FBXW2: variants seen among roughly 807,000 people sequenced by gnomAD.
FBXW2 encodes the protein F-box/WD repeat-containing protein 2.
A neutral mutation model predicts 46.0 loss-of-function variants in FBXW2; 12 were observed. The ratio of observed to expected loss-of-function variants is 0.26; its 90% CI spans 0.17 to 0.42. FBXW2 has a LOEUF of 0.42. Among genes scored for constraint, FBXW2 ranks in the 10% least tolerant of loss-of-function variants. FBXW2 has a pLI of 1.00. For missense variants in FBXW2, 360 were observed against 537.0 expected (o/e 0.67, Z 3.26); for synonymous variants, 203 against 209.6 (o/e 0.97, Z 0.27).
chr9:120,776,326 C>T, intron 4 of FBXW2, 100 bp from the exon 5 acceptor site: 1 of 1,322,822 alleles, frequency 7.6e-7, no homozygotes, highest in Middle Eastern at 2.1e-4. Context: ...TATAATTTCC[C>T]AACCAGAGAC....
intron 2 of FBXW2, among the ~76,000 whole-genome samples, chr9:120,791,259 C>G (rs1489376318): frequency 6.6e-6 from 1 of 152,168 alleles, no homozygotes; most frequent in Non-Finnish European, 1.5e-5. Context: ...GCTTTTAAAT[C>G]TCAGCGCTTT....
intron 2 of FBXW2, among the ~76,000 whole-genome samples, chr9:120,790,346 T>C (rs991691603): frequency 2.6e-5 from 4 of 152,008 alleles, no homozygotes; most frequent in Non-Finnish European, 5.9e-5. Context: ...TCCCCTGGCA[T>C]GGTGGTGGGT....
intron 3 of FBXW2, among the ~76,000 whole-genome samples, chr9:120,782,196 T>A (rs1455615104): frequency 6.6e-6 from 1 of 152,034 alleles, no homozygotes; most frequent in Non-Finnish European, 1.5e-5. Flanking sequence ...GGGCCAGGCA[T>A]GGTGGCTCAT....
At chr9:120,766,556 C>G (rs2044279095) in intron 7 of FBXW2, among the ~76,000 whole-genome samples, 1 of 152,260 alleles carries the variant, frequency 6.6e-6, no homozygotes, top group African/African-American at 2.4e-5. Context: ...CTTCCACCTC[C>G]CGGATTCAAG....
rs2044226984 is a variant in FBXW2, at chr9:120,763,597, T to C, written c.*962A>G. ...TAATTGATGTTCTTATAGAAAACTC[T>C]GTAACAGTCATTTCATTTAAATATT... On this transcript the variant is annotated 3_prime_UTR_variant, in exon 8 of 8. Transcript: ENST00000608872. The C allele has an allele frequency of 6.6e-6, 1 of 152,258 alleles. No homozygotes were observed. Among genetic ancestry groups the C allele is most frequent in the South Asian group, 2.1e-4 (1 of 4,836 alleles). The allele number at this position is 152,258 out of a possible 1,614,324, so 9.4% of individuals were successfully genotyped here. A position where few individuals can be genotyped will look rare whatever the true frequency, so the allele number is the denominator to read the frequency against.
At chr9:120,766,896 G>T (rs2044285148) in intron 7 of FBXW2, among the ~76,000 whole-genome samples, 1 of 152,176 alleles carries the variant, frequency 6.6e-6, no homozygotes, top group Non-Finnish European at 1.5e-5. Flanking sequence ...AGTATCATAG[G>T]TGCTGAGTGC....
intron 7 of FBXW2, among the ~76,000 whole-genome samples, chr9:120,768,812 ACT>A (rs925631335): frequency 3.0e-4 from 46 of 151,908 alleles, no homozygotes; most frequent in African/African-American, 1.0e-3. Flanking sequence ...ACAGAGTGAG[ACT>A]CTGTCTCAAA....
intron 4 of FBXW2, chr9:120,776,663 TAA>T (rs1316512347): frequency 6.5e-6 from 1 of 154,324 alleles, no homozygotes; most frequent in African/African-American, 2.4e-5. Context: ...AAACCCAATG[TAA>T]AGAGAGAAAA....
At chr9:120,784,947 G>T (rs528845182) in intron 3 of FBXW2, among the ~76,000 whole-genome samples, 1 of 151,096 alleles carries the variant, frequency 6.6e-6, no homozygotes, top group South Asian at 2.1e-4. Context: ...TGCTACAGGT[G>T]GTTGTGAAAA....
rs561754733 is a variant in FBXW2 at position 120,770,268 on chromosome 9, C to T, written c.1076+1080G>A. On this transcript the variant is annotated intron_variant, in intron 7 of 7. Coordinates refer to ENST00000608872, the MANE Select transcript of FBXW2 (RefSeq NM_012164.4). The stretch of plus-strand genomic sequence containing the variant: ...GCGGGCGCCTGTAGTCCCAGCTACT[C>T]GGGAGGCTGGGACAGGAGAATGGTG... Among the ~76,000 whole-genome samples the T allele has an allele frequency of 4.6e-5, 7 of 150,738 alleles. No homozygotes were observed. The South Asian group carries it at 8.4e-4, about 18-fold the overall frequency.
At chr9:120,777,126 C>T (rs2131327351) in intron 4 of FBXW2, among the ~76,000 whole-genome samples, 1 of 152,274 alleles carries the variant, frequency 6.6e-6, no homozygotes, top group South Asian at 2.1e-4. Context: ...GTCTAGGCAA[C>T]AGTAATAAAA....
At chr9:120,773,400 G>C (rs1231301007) in intron 5 of FBXW2, among the ~76,000 whole-genome samples, 3 of 152,204 alleles carry the variant, frequency 2.0e-5, no homozygotes, top group Admixed American at 1.3e-4. Flanking sequence ...CTTGGGACCA[G>C]AATCTGCCAT....
intron 3 of FBXW2, among the ~76,000 whole-genome samples, chr9:120,781,243 G>A (rs952730598): frequency 3.3e-5 from 5 of 152,018 alleles, no homozygotes; most frequent in Admixed American, 6.6e-5. Flanking sequence ...CCAATCCCTG[G>A]TATATACCTA....
intron 5 of FBXW2, among the ~76,000 whole-genome samples, chr9:120,774,661 G>C (rs1168056627): frequency 6.6e-6 from 1 of 152,130 alleles, no homozygotes; most frequent in Non-Finnish European, 1.5e-5. Context: ...TTAGATTACT[G>C]CCAAAGCCTA....
At chr9:120,776,257 A>G in intron 4 of FBXW2, 31 bp from the exon 5 acceptor site, 4 of 1,606,776 alleles carry the variant, frequency 2.5e-6, no homozygotes, top group Non-Finnish European at 3.4e-6. Context: ...AAGTTAAAAC[A>G]TGTCTCTGTC....
rs1157256500 is a variant in FBXW2, at chr9:120,788,201, G to A, written c.58C>T (p.Leu20=). ...GTTTCATTTTTCTGCAAGTCCGTCA[G>A]AGAAAGAAATGTAACAGAAATGTTA... The part of the protein sequence containing the change: ...LDNISVTFLS[L]TDLQKNETLD... The change falls in exon 3 of 8, where the codon CTG becomes TTG. Residue 20 remains leucine, a synonymous_variant. Coordinates refer to ENST00000608872, the MANE Select transcript of FBXW2 (RefSeq NM_012164.4). 2 of 1,614,178 alleles carry A rather than the reference G, an allele frequency of 1.2e-6. No individual in the cohort carries two copies. Among genetic ancestry groups the A allele is most frequent in the South Asian group, 1.1e-5 (1 of 91,086 alleles).
chr9:120,776,636 A>G (rs537955232), intron 4 of FBXW2: 1 of 154,436 alleles, frequency 6.5e-6, no homozygotes, highest in Non-Finnish European at 1.4e-5. Flanking sequence ...GCTGCAAAAC[A>G]GCACCCAGAC....
intron 7 of FBXW2, among the ~76,000 whole-genome samples, chr9:120,766,558 G>A (rs948071175): frequency 3.3e-5 from 5 of 152,060 alleles, no homozygotes; most frequent in East Asian, 1.9e-4. Context: ...TCCACCTCCC[G>A]GATTCAAGCG....
intron 3 of FBXW2, among the ~76,000 whole-genome samples, chr9:120,785,752 G>A (rs147297635): frequency 4.7e-4 from 72 of 152,158 alleles, no homozygotes; most frequent in Admixed American, 2.1e-3. Context: ...AAATTGGGCC[G>A]GGCACGGTGG....
Sources: gnomAD v4.1 joint callset for allele counts (sites outside exome capture counted in the v4.1 genomes callset) on GRCh38, gnomAD v4.1.1 for gene constraint, MANE v1.5 for transcripts, NCBI Gene and HGNC (gene_info 2026-07-23, HGNC 2026-07-21) for gene names.